IGSF11: variants seen among roughly 807,000 people sequenced by gnomAD.
IGSF11 encodes the protein CXADR like 1.
IGSF11 carries 22 observed loss-of-function variants against 41.0 expected under a neutral mutation model. The observed-to-expected ratio is 0.54, with a 90% CI of 0.38 to 0.77. The LOEUF (loss-of-function observed/expected upper bound fraction) is 0.77, where lower values mean the gene tolerates loss of function less well. Ranked by LOEUF, IGSF11 falls within the 30% of genes least tolerant of loss-of-function variation. The pLI is 0.00. For missense variants in IGSF11, 444 were observed against 530.8 expected (o/e 0.84, Z 1.61); for synonymous variants, 219 against 201.3 (o/e 1.09, Z -0.74).
intron 1 of IGSF11, among the ~76,000 whole-genome samples, chr3:119,020,101 G>A (rs1170114907): frequency 3.3e-5 from 5 of 152,118 alleles, no homozygotes; most frequent in African/African-American, 1.2e-4. Context: ...AGACTCCCCA[G>A]CCTCTAAAAC....
chr3:119,099,525 AAAT>A (rs1305958108), intron 1 of IGSF11, among the ~76,000 whole-genome samples: 8 of 152,244 alleles, frequency 5.3e-5, no homozygotes, highest in Admixed American at 5.2e-4. Context: ...AAGGATACTT[AAAT>A]CATCAACAAA....
intron 1 of IGSF11, among the ~76,000 whole-genome samples, chr3:119,097,105 A>G (rs1214999360): frequency 6.6e-6 from 1 of 152,186 alleles, no homozygotes; most frequent in Non-Finnish European, 1.5e-5. Context: ...TAGTGAACTT[A>G]ATTTCATCTA....
chr3:119,120,937 T>A (rs575114410), intron 1 of IGSF11, among the ~76,000 whole-genome samples: 1 of 152,328 alleles, frequency 6.6e-6, no homozygotes, highest in South Asian at 2.1e-4. Context: ...GAGAACTCTT[T>A]TACCCTTTCT....
At chr3:119,043,281 C>T (rs1941192999) in intron 1 of IGSF11, among the ~76,000 whole-genome samples, 1 of 152,172 alleles carries the variant, frequency 6.6e-6, no homozygotes. Context: ...TTTTCCCTCC[C>T]CCTGTGCTCT....
At chr3:118,954,902 T>C (rs748019347) in intron 1 of IGSF11, among the ~76,000 whole-genome samples, 25 of 151,974 alleles carry the variant, frequency 1.6e-4, no homozygotes, top group Non-Finnish European at 2.5e-4. Flanking sequence ...ATAAAAAAAA[T>C]AGATATTGGC....
intron 4 of IGSF11, among the ~76,000 whole-genome samples, chr3:118,908,289 G>T (rs1162378821): frequency 6.6e-6 from 1 of 152,162 alleles, no homozygotes; most frequent in Non-Finnish European, 1.5e-5. Context: ...CCAATACTAT[G>T]ACCATGTTTC....
chr3:119,106,666 C>T (rs2077032516), upstream of IGSF11, among the ~76,000 whole-genome samples: 1 of 152,072 alleles, frequency 6.6e-6, no homozygotes, highest in South Asian at 2.1e-4. Flanking sequence ...ATACATGAGC[C>T]ATGCTGGTGT....
At chr3:119,008,089 A>T (rs10707312) in intron 1 of IGSF11, among the ~76,000 whole-genome samples, 1 of 60,568 alleles carries the variant, frequency 1.7e-5, no homozygotes, top group Non-Finnish European at 2.7e-5. Context: ...TTTTACCAAT[A>T]TTATAGTGAC....
intron 1 of IGSF11, among the ~76,000 whole-genome samples, chr3:119,088,520 CA>C (rs1236717420): frequency 6.6e-6 from 1 of 151,406 alleles, no homozygotes; most frequent in East Asian, 1.9e-4. Flanking sequence ...AAAGGCACTA[CA>C]AAAAAACAAA....
chr3:118,974,577 C>T (rs1305428248), intron 1 of IGSF11, among the ~76,000 whole-genome samples: 1 of 152,214 alleles, frequency 6.6e-6, no homozygotes, highest in Non-Finnish European at 1.5e-5. Flanking sequence ...TGGTTTAGCA[C>T]ATTTGTGGTT....
chr3:118,957,916 A>G (rs1435171343), intron 1 of IGSF11, among the ~76,000 whole-genome samples: 1 of 152,192 alleles, frequency 6.6e-6, no homozygotes, highest in Non-Finnish European at 1.5e-5. Flanking sequence ...TACCTTTCTT[A>G]CCTTCTCTGG....
chr3:119,131,002 C>G (rs903057319), intron 1 of IGSF11, among the ~76,000 whole-genome samples: 2 of 152,080 alleles, frequency 1.3e-5, no homozygotes, highest in African/African-American at 4.8e-5. Context: ...GGAATAGAAT[C>G]AACATCAACA....
At chr3:119,132,723 T>C (rs1032347115) in intron 1 of IGSF11, among the ~76,000 whole-genome samples, 12 of 152,154 alleles carry the variant, frequency 7.9e-5, no homozygotes, top group Non-Finnish European at 1.5e-4. Context: ...GCAGACCTAA[T>C]AGACATCTAC....
At chr3:119,089,806 G>A (rs2076733631) in intron 1 of IGSF11, among the ~76,000 whole-genome samples, 1 of 152,060 alleles carries the variant, frequency 6.6e-6, no homozygotes, top group South Asian at 2.1e-4. Flanking sequence ...AGGCAGATCA[G>A]CTGAGATTGA....
chr3:118,940,558 A>G (rs1461657870), intron 1 of IGSF11, among the ~76,000 whole-genome samples: 1 of 152,112 alleles, frequency 6.6e-6, no homozygotes, highest in African/African-American at 2.4e-5. Context: ...ACAAACTGTG[A>G]CCATTAGTCA....
At chr3:119,011,589 A>G (rs1406793074) in intron 1 of IGSF11, among the ~76,000 whole-genome samples, 1 of 152,156 alleles carries the variant, frequency 6.6e-6, no homozygotes, top group Non-Finnish European at 1.5e-5. Flanking sequence ...GGAACCCTGG[A>G]AAGAAGAGGG....
At chr3:118,922,448 C>A (rs1239255058) in intron 4 of IGSF11, among the ~76,000 whole-genome samples, 1 of 151,866 alleles carries the variant, frequency 6.6e-6, no homozygotes, top group Admixed American at 6.6e-5. Context: ...CAGTTAAGAT[C>A]TCCTCCCAGC....
At chr3:119,091,815 A>G (rs763418697) in intron 1 of IGSF11, among the ~76,000 whole-genome samples, 14 of 152,134 alleles carry the variant, frequency 9.2e-5, no homozygotes, top group Non-Finnish European at 2.1e-4. Flanking sequence ...TTCCCATGTA[A>G]CAAACCTGCA....
chr3:118,983,306 A>G (rs1261717339), intron 1 of IGSF11: 1 of 152,226 alleles, frequency 6.6e-6, no homozygotes, highest in Non-Finnish European at 1.5e-5. Context: ...TGAGGTTCAA[A>G]TAAGTTAAGT....
Sources: allele counts gnomAD v4.1 joint callset (sites outside exome capture counted in the v4.1 genomes callset), GRCh38; gene constraint gnomAD v4.1.1; transcripts MANE v1.5; gene names NCBI Gene and HGNC (gene_info 2026-07-23, HGNC 2026-07-21).